JPH3: variants seen among roughly 807,000 people sequenced by gnomAD.
JPH3 encodes the protein junctophilin 3.
Under a neutral mutation model 59.6 loss-of-function variants are expected in JPH3, and 11 were observed. The ratio of observed to expected loss-of-function variants is 0.18; its 90% confidence interval spans 0.12 to 0.31. JPH3 has a LOEUF of 0.31. Among genes scored for constraint, JPH3 ranks in the 10% least tolerant of loss-of-function variants. The pLI, the probability that JPH3 is intolerant of heterozygous loss-of-function variation, is 1.00. For synonymous variants in JPH3, 673 were observed against 483.6 expected (o/e 1.39, Z -5.14); for missense variants, 1,202 against 1,105.7 (o/e 1.09, Z -1.24).
intron 1 of JPH3, among the ~76,000 whole-genome samples, chr16:87,642,244 A>T (rs914195284): frequency 2.1e-5 from 3 of 145,740 alleles, no homozygotes; most frequent in African/African-American, 7.5e-5. Context: ...CTGGCTAGGG[A>T]AAGGGGGGGG....
chr16:87,695,481 C>A (rs74039474), intron 4 of JPH3: 5,510 of 455,858 alleles, frequency 0.012, 259 homozygotes, highest in African/African-American at 0.098. Context: ...AGCTCCTTAC[C>A]ACAGTGGGGT....
intron 2 of JPH3, among the ~76,000 whole-genome samples, chr16:87,674,019 A>T (rs2033082272): frequency 6.7e-6 from 1 of 148,226 alleles, no homozygotes; most frequent in Non-Finnish European, 1.5e-5. Context: ...AATCTCCAAG[A>T]TACAGTGTTA....
At chr16:87,643,195 T>C (rs12444308) in intron 1 of JPH3, among the ~76,000 whole-genome samples, 20,203 of 152,252 alleles carry the variant, frequency 0.13, 1,518 homozygotes, top group Middle Eastern at 0.23. Context: ...TCAGCGTTCA[T>C]CCACATTGCA....
At chr16:87,638,519 G>A (rs150485820) in intron 1 of JPH3, among the ~76,000 whole-genome samples, 94 of 152,192 alleles carry the variant, frequency 6.2e-4, no homozygotes, top group African/African-American at 2.1e-3. Context: ...GAATTGTGCC[G>A]GAACAGTGAA....
intron 2 of JPH3, among the ~76,000 whole-genome samples, chr16:87,678,317 T>C (rs998999127): frequency 2.0e-5 from 3 of 151,876 alleles, no homozygotes; most frequent in Non-Finnish European, 2.9e-5. Context: ...GCTGAGGCGG[T>C]TGGATCACCT....
rs367747850 is a variant in JPH3 at position 87,695,916 on chromosome 16, C to T, written c.2167-664C>T. 7.7e-4 allele frequency: 349 copies of T among 456,048 alleles called. 4 individuals are homozygous for T. In the Middle Eastern group the frequency reaches 0.01, roughly 13 times the overall value. The allele number at this position is 456,048 out of a possible 1,614,324, so 28.3% of individuals were successfully genotyped here. ...AGGGGGAGTCTGGCACTTGGGGCTC[C>T]GGCGGAGGCTGAGGACTTGTGAGCC... On this transcript the variant is annotated intron_variant, in intron 4 of 4. Coordinates refer to ENST00000284262, the MANE Select transcript of JPH3 (RefSeq NM_020655.4).
At chr16:87,694,394 G>C (rs1448345431) in intron 4 of JPH3, 1 of 152,220 alleles carries the variant, frequency 6.6e-6, no homozygotes, top group South Asian at 2.1e-4. Flanking sequence ...ACTGACCCAG[G>C]AGACAAAAGG....
intron 2 of JPH3, among the ~76,000 whole-genome samples, chr16:87,650,646 A>G (rs1315741978): frequency 1.3e-5 from 2 of 152,242 alleles, no homozygotes; most frequent in African/African-American, 4.8e-5. Flanking sequence ...CATGAATGAT[A>G]AGGGAGTGAA....
At chr16:87,690,816 CG>C (rs1437649874) in intron 4 of JPH3, among the ~76,000 whole-genome samples, 1 of 152,240 alleles carries the variant, frequency 6.6e-6, no homozygotes, top group Non-Finnish European at 1.5e-5. Context: ...CTGCGCTCCC[CG>C]CAACGTGCTC....
chr16:87,659,467 T>C (rs1960817506), intron 2 of JPH3, among the ~76,000 whole-genome samples: 1 of 150,696 alleles, frequency 6.6e-6, no homozygotes, highest in Non-Finnish European at 1.5e-5. Context: ...CTCACGCCTA[T>C]AATCCCAGCA....
chr16:87,605,805 G>A (rs911396245), intron 1 of JPH3, among the ~76,000 whole-genome samples: 13 of 152,170 alleles, frequency 8.5e-5, no homozygotes, highest in Admixed American at 5.2e-4. Flanking sequence ...AACCCCCCTC[G>A]TTCTTGCATC....
At chr16:87,659,076 C>A (rs766209337) in intron 2 of JPH3, among the ~76,000 whole-genome samples, 1 of 152,122 alleles carries the variant, frequency 6.6e-6, no homozygotes, top group Admixed American at 6.5e-5. Context: ...GGCTTTGTCG[C>A]GACGGCTGCT....
At position 87,696,624 on chromosome 16, in the gene JPH3, C is replaced by G. The variant is rs377052304; in HGVS notation, c.2211C>G (p.Ile737Met). 6.2e-7 allele frequency: 1 copy of G among 1,613,612 alleles called. No homozygotes were observed. The change falls in exon 5 of 5, where the codon ATC becomes ATG. Residue 737 changes from isoleucine (I) to methionine (M), a missense_variant. Transcript: ENST00000284262. ...ILVVMVILLN[I>M]GVAILFINFF... ...TGGTCATGGTGATCTTGCTCAACAT[C>G]GGAGTCGCCATTCTGTTTATTAACT...
intron 2 of JPH3, among the ~76,000 whole-genome samples, chr16:87,650,958 G>A (rs921897707): frequency 2.6e-5 from 4 of 152,258 alleles, no homozygotes; most frequent in Non-Finnish European, 5.9e-5. Flanking sequence ...TCTATTGGAA[G>A]GAGATTCCAT....
chr16:87,682,108 A>C (rs181676591), intron 2 of JPH3, among the ~76,000 whole-genome samples: 2 of 151,636 alleles, frequency 1.3e-5, no homozygotes, highest in Admixed American at 1.3e-4. Flanking sequence ...CGTTTGGAGC[A>C]CTCTCTGGCT....
At chr16:87,652,346 T>A (rs934023991) in intron 2 of JPH3, among the ~76,000 whole-genome samples, 1 of 152,246 alleles carries the variant, frequency 6.6e-6, no homozygotes, top group Non-Finnish European at 1.5e-5. Context: ...AGATCCTCCA[T>A]TGAAGGCTCA....
At chr16:87,638,202 A>G (rs2031821509) in intron 1 of JPH3, among the ~76,000 whole-genome samples, 1 of 152,170 alleles carries the variant, frequency 6.6e-6, no homozygotes, top group Non-Finnish European at 1.5e-5. Context: ...TATAGGCATG[A>G]GCCACCACAC....
chr16:87,649,299 C>G (rs1050961573), intron 2 of JPH3, among the ~76,000 whole-genome samples: 10 of 152,348 alleles, frequency 6.6e-5, no homozygotes, highest in African/African-American at 2.4e-4. Context: ...CACCACAGGG[C>G]ATTCGGCCCC....
intron 2 of JPH3, among the ~76,000 whole-genome samples, chr16:87,659,726 C>T (rs1351944444): frequency 2.0e-5 from 3 of 151,522 alleles, no homozygotes; most frequent in East Asian, 1.9e-4. Flanking sequence ...AAGCAAGACT[C>T]CATTTCAAAA....
Sources: gnomAD v4.1 joint callset for allele counts (sites outside exome capture counted in the v4.1 genomes callset) on GRCh38, gnomAD v4.1.1 for gene constraint, MANE v1.5 for transcripts, NCBI Gene and HGNC (gene_info 2026-07-23, HGNC 2026-07-21) for gene names.